CDH13: variants seen among roughly 807,000 people sequenced by gnomAD.
CDH13 encodes the protein cadherin 13.
A neutral mutation model predicts 63.8 loss-of-function variants in CDH13; 24 were observed. The observed-to-expected ratio is 0.38, with a 90% CI of 0.27 to 0.53. The LOEUF (loss-of-function observed/expected upper bound fraction) is 0.53, where lower values mean the gene tolerates loss of function less well. CDH13 is among the 20% of genes least tolerant of loss of function. CDH13 has a pLI of 0.85. For missense variants in CDH13, 1,049 were observed against 903.1 expected (o/e 1.16, Z -2.07); for synonymous variants, 503 against 355.3 (o/e 1.42, Z -4.67).
In CDH13 at chr16:82,982,162, T is replaced by G. The variant is rs1597352411; in HGVS notation, c.158-49848T>G. Among the ~76,000 whole-genome samples the G allele has an allele frequency of 1.2e-4, 19 of 152,294 alleles. No homozygotes were observed. In the South Asian group the frequency reaches 3.7e-3, roughly 30 times the overall value. On this transcript the variant is annotated intron_variant, in intron 2 of 13. Transcript: ENST00000567109. ...TTACCCAACTATAAAATGGAGATAA[T>G]AATGCTTTGTAGGAAGGTATATGAA...
In CDH13 at chr16:83,387,091, G is replaced by A. The variant is rs937497198; in HGVS notation, c.781+42085G>A. Among the ~76,000 whole-genome samples, 64 of 152,150 alleles carry A rather than the reference G, an allele frequency of 4.2e-4. 2 individuals carry two copies. The highest frequency in any genetic ancestry group is 1.5e-3 in the African/African-American group (63 of 41,440). On this transcript the variant is annotated intron_variant, in intron 6 of 13. Transcript: ENST00000567109. ...TTCATAGACTCTATTATAGAGGCAG[G>A]GGAGGAAAACAGGGGCCAGAAATGA...
At chr16:83,145,665 A>G (rs1481832229) in intron 4 of CDH13, among the ~76,000 whole-genome samples, 1 of 152,096 alleles carries the variant, frequency 6.6e-6, no homozygotes, top group East Asian at 1.9e-4. Flanking sequence ...ATTATTCCAG[A>G]CCTCTGATTC....
chr16:83,271,422 T>TTAAAA lies in CDH13; in HGVS notation c.636+53925_636+53926insTAAAA, dbSNP rs1555522986. 5.5e-3 allele frequency among the ~76,000 whole-genome samples: 144 copies of TTAAAA among 26,026 alleles called. 23 individuals are homozygous for TTAAAA. Among genetic ancestry groups the TTAAAA allele is most frequent in the Middle Eastern group, 0.031 (1 of 32 alleles). 17.1% of individuals were successfully genotyped at this position (26,026 alleles called of 152,430 possible). ...CTACCGCACATTGAGGCAGAGTTCA[T>TTAAAA]AAAAAAAAAAAAAAAAAAAAAAAAA... On this transcript the variant is annotated intron_variant, in intron 5 of 13. Transcript: ENST00000567109.
At chr16:83,633,286 C>A (rs763903785) in intron 8 of CDH13, among the ~76,000 whole-genome samples, 1 of 152,180 alleles carries the variant, frequency 6.6e-6, no homozygotes, top group African/African-American at 2.4e-5. Context: ...CTGACAGATA[C>A]TGCATCCATG....
intron 3 of CDH13, among the ~76,000 whole-genome samples, chr16:83,115,288 G>A (rs993645425): frequency 2.0e-5 from 3 of 152,192 alleles, no homozygotes; most frequent in Non-Finnish European, 4.4e-5. Flanking sequence ...CCAGCAAGTC[G>A]TTGAATGGAT....
At chr16:82,912,458 G>A (rs1409022823) in intron 2 of CDH13, among the ~76,000 whole-genome samples, 1 of 152,200 alleles carries the variant, frequency 6.6e-6, no homozygotes, top group African/African-American at 2.4e-5. Context: ...TCCCCCAGAT[G>A]ACTGGGGTCT....
chr16:83,215,073 CTT>C (rs571565652), intron 4 of CDH13, among the ~76,000 whole-genome samples: 1,086 of 56,208 alleles, frequency 0.019, 23 homozygotes, highest in Middle Eastern at 0.1. Flanking sequence ...TCAAACACCT[CTT>C]TTTTTTTTTT....
At chr16:82,913,435 G>C (rs907241671) in intron 2 of CDH13, among the ~76,000 whole-genome samples, 3 of 152,098 alleles carry the variant, frequency 2.0e-5, no homozygotes, top group African/African-American at 7.2e-5. Context: ...TCTGATACCT[G>C]CCCCTCCTCC....
chr16:83,407,206 A>C (rs557268716), intron 6 of CDH13, among the ~76,000 whole-genome samples: 1 of 152,374 alleles, frequency 6.6e-6, no homozygotes, highest in Non-Finnish European at 1.5e-5. Flanking sequence ...CTCATTCAGC[A>C]CATGCTATTT....
At chr16:83,634,794 A>G (rs1911109470) in intron 8 of CDH13, among the ~76,000 whole-genome samples, 1 of 152,180 alleles carries the variant, frequency 6.6e-6, no homozygotes, top group African/African-American at 2.4e-5. Flanking sequence ...GCTGAGTGAT[A>G]TTCCATGGTA....
chr16:83,536,652 T>G (rs915068447), intron 7 of CDH13, among the ~76,000 whole-genome samples: 1 of 152,150 alleles, frequency 6.6e-6, no homozygotes, highest in Non-Finnish European at 1.5e-5. Context: ...TATACAGAGA[T>G]GCATCTTTGG....
chr16:83,074,784 C>T (rs1291457295), intron 3 of CDH13, among the ~76,000 whole-genome samples: 1 of 152,166 alleles, frequency 6.6e-6, no homozygotes, highest in Non-Finnish European at 1.5e-5. Flanking sequence ...GAAGCTAAAG[C>T]CAAAGCTTAA....
chr16:83,692,435 T>G (rs151115542), intron 10 of CDH13, among the ~76,000 whole-genome samples: 4 of 152,318 alleles, frequency 2.6e-5, no homozygotes, highest in African/African-American at 9.6e-5. Flanking sequence ...AGGGATGGCT[T>G]TGCCTGCTGG....
chr16:83,608,126 G>A (rs1366566876), intron 8 of CDH13, among the ~76,000 whole-genome samples: 1 of 152,130 alleles, frequency 6.6e-6, no homozygotes, highest in Non-Finnish European at 1.5e-5. Context: ...ATGGCAATTG[G>A]TCATTTAGAT....
chr16:82,631,066 G>A (rs527982716), intron 1 of CDH13, among the ~76,000 whole-genome samples: 3 of 152,244 alleles, frequency 2.0e-5, no homozygotes, highest in South Asian at 2.1e-4. Flanking sequence ...TTATTTCTGT[G>A]TCTCTCTCTT....
chr16:83,012,548 A>C (rs1292076597), intron 2 of CDH13, among the ~76,000 whole-genome samples: 1 of 152,120 alleles, frequency 6.6e-6, no homozygotes, highest in Non-Finnish European at 1.5e-5. Context: ...AAATAATGAC[A>C]GACTCTCTAC....
chr16:83,574,333 A>G (rs150986352), intron 7 of CDH13, among the ~76,000 whole-genome samples: 163 of 152,254 alleles, frequency 1.1e-3, no homozygotes, highest in African/African-American at 3.6e-3. Flanking sequence ...TAGAGCCTCA[A>G]GGTCGGCCTG....
chr16:83,665,882 C>T (rs187692490), intron 8 of CDH13, among the ~76,000 whole-genome samples: 1 of 152,140 alleles, frequency 6.6e-6, no homozygotes, highest in Admixed American at 6.5e-5. Flanking sequence ...AATTCAAGTC[C>T]CTCTTCCTAC....
At chr16:82,886,118 A>G (rs928206696) in intron 2 of CDH13, among the ~76,000 whole-genome samples, 1 of 152,194 alleles carries the variant, frequency 6.6e-6, no homozygotes, top group African/African-American at 2.4e-5. Flanking sequence ...CTCATTTTAA[A>G]GGTTTCTTTA....
Sources: gnomAD v4.1 joint callset for allele counts (sites outside exome capture counted in the v4.1 genomes callset) on GRCh38, gnomAD v4.1.1 for gene constraint, MANE v1.5 for transcripts, NCBI Gene and HGNC (gene_info 2026-07-23, HGNC 2026-07-21) for gene names.